HIBCH: variants seen among roughly 807,000 people sequenced by gnomAD.
HIBCH encodes the protein 3-hydroxyisobutyryl-CoA hydrolase.
Under a neutral mutation model 58.2 loss-of-function variants are expected in HIBCH, and 50 were observed. That is an observed-to-expected ratio of 0.86 (90% CI 0.68 to 1.09). The LOEUF is 1.09. HIBCH is among the 50% of genes least tolerant of loss of function. The probability of loss-of-function intolerance (pLI) is 0.00; values close to 1 mark genes in which losing one functional copy is unlikely to be tolerated. For missense variants in HIBCH, 450 were observed against 449.7 expected, an observed-to-expected ratio of 1.00 and a Z score of -0.01; for synonymous variants, 151 against 146.9, an observed-to-expected ratio of 1.03 and a Z score of -0.20.
intron 7 of HIBCH, among the ~76,000 whole-genome samples, chr2:190,260,186 G>T (rs187461030): frequency 4.3e-4 from 66 of 152,246 alleles, no homozygotes; most frequent in African/African-American, 1.6e-3. Context: ...AAGTAGAATC[G>T]AATTCAAATC....
intron 11 of HIBCH, among the ~76,000 whole-genome samples, chr2:190,222,597 C>T (rs1247294785): frequency 1.3e-5 from 2 of 152,064 alleles, no homozygotes; most frequent in East Asian, 1.9e-4. Context: ...GTCAGAATGG[C>T]GATCATTAAA....
At chr2:190,212,345 A>G (rs1191103425) in intron 12 of HIBCH, among the ~76,000 whole-genome samples, 1 of 152,214 alleles carries the variant, frequency 6.6e-6, no homozygotes, top group Non-Finnish European at 1.5e-5. Flanking sequence ...TTTAGTCCAT[A>G]TATTAGTCTA....
chr2:190,285,978 A>C (rs1241783014), intron 6 of HIBCH, among the ~76,000 whole-genome samples: 1 of 152,076 alleles, frequency 6.6e-6, no homozygotes, highest in African/African-American at 2.4e-5. Flanking sequence ...AGTCACTGAG[A>C]TTACTGGTGC....
intron 11 of HIBCH, among the ~76,000 whole-genome samples, chr2:190,224,389 C>G (rs998677922): frequency 6.6e-6 from 1 of 152,044 alleles, no homozygotes; most frequent in Non-Finnish European, 1.5e-5. Context: ...TCAGGAGACC[C>G]ATCTCATGTG....
chr2:190,256,002 G>C (rs1575728670), intron 7 of HIBCH, among the ~76,000 whole-genome samples: 1 of 152,164 alleles, frequency 6.6e-6, no homozygotes, highest in Non-Finnish European at 1.5e-5. Context: ...GGCAAAGCAA[G>C]CTTGGACCTT....
chr2:190,278,735 T>C (rs1266150557), intron 6 of HIBCH, among the ~76,000 whole-genome samples: 2 of 82,908 alleles, frequency 2.4e-5, no homozygotes, highest in Non-Finnish European at 4.7e-5. Context: ...TGAGACTCCA[T>C]CTCAAAAAAA....
Position 190,243,304 on chromosome 2 carries a change from C to G in HIBCH, c.891+1583G>C, listed in dbSNP as rs1171813911. On this transcript the variant is annotated intron_variant, in intron 11 of 13. Coordinates refer to ENST00000359678, the MANE Select transcript of HIBCH (RefSeq NM_014362.4). This position sits in a 1 kb window ranked among gnomAD's most constrained non-coding sequence, Gnocchi z 4.1. ...CTTCCTGCCCTTGAACATCAGACCC[C>G]AAGTTCTTCAGTTTTGATACTCAGA... Among the ~76,000 whole-genome samples the G allele has an allele frequency of 6.6e-6, 1 of 152,160 alleles. No individual in the cohort carries two copies. The highest frequency in any genetic ancestry group is 1.5e-5 in the Non-Finnish European group (1 of 68,026).
chr2:190,244,769 G>T lies in HIBCH; in HGVS notation c.891+118C>A, dbSNP rs867861194. On this transcript the variant is annotated intron_variant, in intron 11 of 13. Transcript: ENST00000359678. ...AAGCTCACCTAAATTTGGGAAAAAA[G>T]AAAACACAATGCATGGGCTATGTCA... The T allele has an allele frequency of 1.6e-5, 13 of 790,466 alleles. 1 individual carries two copies. In the Middle Eastern group the frequency reaches 3.0e-3, roughly 181 times the overall value. The allele number at this position is 790,466 out of a possible 1,614,324, so 49.0% of individuals were successfully genotyped here.
chr2:190,193,800 A>G (rs1450644848), intron 1 of HIBCH, among the ~76,000 whole-genome samples: 1 of 151,910 alleles, frequency 6.6e-6, no homozygotes, highest in African/African-American at 2.4e-5. Context: ...TGCTTCACTG[A>G]TTTCTGTTCT....
At chr2:190,302,952 A>G (rs2136571) in intron 2 of HIBCH, among the ~76,000 whole-genome samples, 110,189 of 152,124 alleles carry the variant, frequency 0.72, 40,392 homozygotes, top group Non-Finnish European at 0.75. Context: ...TCATGGTAGC[A>G]AGGAGCAGGT....
intron 6 of HIBCH, among the ~76,000 whole-genome samples, chr2:190,262,974 T>C (rs1056808005): frequency 2.0e-5 from 3 of 152,244 alleles, no homozygotes; most frequent in Admixed American, 1.3e-4. Flanking sequence ...TTGAAGATAC[T>C]AGGAATACGC....
At chr2:190,259,319 A>ATGTATGTGTGTGTGTGTG (rs1553501619) in intron 7 of HIBCH, among the ~76,000 whole-genome samples, 1 of 122,118 alleles carries the variant, frequency 8.2e-6, no homozygotes, top group African/African-American at 3.0e-5. Context: ...CAGTATACAG[A>ATGTATGTGTGTGTGTGTG]TGTGTGTGTG....
intron 10 of HIBCH, among the ~76,000 whole-genome samples, chr2:190,245,746 T>C (rs909571225): frequency 4.6e-5 from 7 of 152,004 alleles, no homozygotes. Context: ...TCCCAGCACT[T>C]TGTGAGGGCG....
intron 8 of HIBCH, among the ~76,000 whole-genome samples, chr2:190,251,870 T>C (rs1299601905): frequency 6.6e-6 from 1 of 152,114 alleles, no homozygotes; most frequent in East Asian, 1.9e-4. Context: ...TAGACTTTCT[T>C]AAGGTAGGCA....
At chr2:190,294,708 A>AAC in intron 3 of HIBCH, 78 bp from the exon 4 acceptor site, 2 of 862,012 alleles carry the variant, frequency 2.3e-6, no homozygotes, top group Non-Finnish European at 4.0e-6. Context: ...ATGCACATAT[A>AAC]TTCAATCATA....
At position 190,215,921 on chromosome 2, in the gene HIBCH, A is replaced by C. The variant is rs1342511719; in HGVS notation, c.892-2846T>G. The C allele has an allele frequency of 1.3e-5, 2 of 152,510 alleles. No individual in the cohort carries two copies. Among genetic ancestry groups the C allele is most frequent in the African/African-American group, 4.8e-5 (2 of 41,418 alleles). The allele number at this position is 152,510 out of a possible 1,614,324, so 9.4% of individuals were successfully genotyped here. ...CAGAACTGTCTGTCAGACACGGGGG[A>C]GCCAGGGCACAGTTAAGGCTCAGCT... is the stretch of plus-strand genomic sequence containing the variant. On this transcript the variant is annotated intron_variant, in intron 11 of 13. Coordinates refer to ENST00000359678, the MANE Select transcript of HIBCH (RefSeq NM_014362.4). The surrounding 1 kb of genome is among the most constrained non-coding windows in gnomAD (Gnocchi z 4.4).
intron 1 of HIBCH, chr2:190,311,125 A>G: frequency 2.2e-6 from 1 of 461,632 alleles, no homozygotes; most frequent in Non-Finnish European, 4.0e-6. Context: ...TTATGCCACA[A>G]AAAAAATTGG....
chr2:190,243,375 C>G lies in HIBCH; in HGVS notation c.891+1512G>C, dbSNP rs114912717. Among the ~76,000 whole-genome samples the G allele has an allele frequency of 6.6e-5, 10 of 152,238 alleles. No homozygotes were observed. Among genetic ancestry groups the G allele is most frequent in the African/African-American group, 2.4e-4 (10 of 41,530 alleles). ...AGCTTGTAGACAGCCTACTGTGGGA[C>G]CTTGTGATTGTGCAGGTTAATACTT... is the stretch of plus-strand genomic sequence containing the variant. On this transcript the variant is annotated intron_variant, in intron 11 of 13. Transcript: ENST00000359678. The surrounding 1 kb of genome is among the most constrained non-coding windows in gnomAD (Gnocchi z 4.1).
chr2:190,196,466 T>C (rs1041216639), intron 1 of HIBCH, among the ~76,000 whole-genome samples: 1 of 151,998 alleles, frequency 6.6e-6, no homozygotes, highest in Admixed American at 6.6e-5. Context: ...TTCTTGGGTA[T>C]ACTTAAATAG....
Sources: gnomAD v4.1 joint callset for allele counts (sites outside exome capture counted in the v4.1 genomes callset) on GRCh38, gnomAD v4.1.1 for gene constraint, Gnocchi (gnomAD v3.1) non-coding constraint, MANE v1.5 for transcripts, NCBI Gene and HGNC (gene_info 2026-07-23, HGNC 2026-07-21) for gene names.